Variants in ACAT1 observed in about 807,000 individuals in gnomAD.
The protein encoded by ACAT1 is acetyl-CoA acetyltransferase, mitochondrial.
Under a neutral mutation model 47.3 loss-of-function variants are expected in ACAT1, and 28 were observed. The observed-to-expected ratio is 0.59, with a 90% confidence interval of 0.44 to 0.81. ACAT1 has a LOEUF of 0.81. ACAT1 is among the 30% of genes least tolerant of loss of function. ACAT1 has a pLI of 0.00. For synonymous variants in ACAT1, 181 were observed against 173.6 expected, an observed-to-expected ratio of 1.04 and a Z score of -0.34; for missense variants, 469 against 524.3, an observed-to-expected ratio of 0.89 and a Z score of 1.03.
intron 1 of ACAT1, among the ~76,000 whole-genome samples, chr11:108,127,007 G>A (rs1342972846): frequency 2.6e-5 from 4 of 151,418 alleles, no homozygotes; most frequent in South Asian, 2.1e-4. Context: ...TGGTAGAGAC[G>A]GGGTTTCAGC....
upstream of ACAT1, among the ~76,000 whole-genome samples, chr11:108,120,459 T>C (rs540106827): frequency 4.5e-4 from 69 of 152,120 alleles, no homozygotes; most frequent in Middle Eastern, 3.4e-3. Context: ...GAGGATCCCC[T>C]GAGACCAGGA....
At chr11:108,135,079 C>T (rs1315502074) in intron 4 of ACAT1, 63 bp from the exon 5 acceptor site, 3 of 1,096,632 alleles carry the variant, frequency 2.7e-6, no homozygotes, top group Non-Finnish European at 4.2e-6. Context: ...GTAACATGCT[C>T]TATTAAGTTC....
chr11:108,146,432 A>C (rs1414003569), intron 11 of ACAT1, 73 bp downstream of exon 11: 12 of 1,541,188 alleles, frequency 7.8e-6, no homozygotes, highest in Non-Finnish European at 9.8e-6. Flanking sequence ...AAACTGCTTC[A>C]TAATTCCCAT....
At chr11:108,132,621 G>C (rs1407771307) in intron 2 of ACAT1, among the ~76,000 whole-genome samples, 1 of 150,914 alleles carries the variant, frequency 6.6e-6, no homozygotes, top group Non-Finnish European at 1.5e-5. Flanking sequence ...TTGGGAGGCC[G>C]AGGCAGGTGG....
At chr11:108,146,007 A>C (rs1160786569) in intron 10 of ACAT1, 195 bp from the exon 11 acceptor site, 2 of 502,116 alleles carry the variant, frequency 4.0e-6, no homozygotes, top group Non-Finnish European at 7.1e-6. Context: ...AGATGGCGCC[A>C]TTGCACTCCA....
In ACAT1 at chr11:108,147,475, TC is replaced by T; in HGVS notation, c.*86del. The T allele has an allele frequency of 6.7e-7, 1 of 1,490,856 alleles. No individual in the cohort carries two copies. The highest frequency in any genetic ancestry group is 9.3e-7 in the Non-Finnish European group (1 of 1,079,844). 92.4% of individuals were successfully genotyped at this position (1,490,856 alleles called of 1,614,324 possible). On this transcript the variant is annotated 3_prime_UTR_variant, in exon 12 of 12. Transcript: ENST00000265838. ...GTGACTACTGTGGGTCAGCTTATAT[TC>T]AGATAAGCTGTTTCATTTTTTATTA...
chr11:108,143,997 G>GA lies in ACAT1; in HGVS notation c.955_956insA (p.Ala319AspfsTer6). 1 of 1,580,140 alleles carries GA rather than the reference G, an allele frequency of 6.3e-7. No individual in the cohort carries two copies. The highest frequency in any genetic ancestry group is 1.1e-5 in the South Asian group (1 of 90,180). On this transcript the variant is annotated frameshift_variant, in exon 10 of 12. Coordinates refer to ENST00000265838, the MANE Select transcript of ACAT1 (RefSeq NM_000019.4). LOFTEE classifies it high-confidence loss of function. ...TTTTTAAACAGCATTTGCTGACGCT[G>GA]CTGTAGAACCTATTGATTTTCCAAT...
intron 1 of ACAT1, among the ~76,000 whole-genome samples, chr11:108,130,090 T>A (rs1415920333): frequency 6.6e-6 from 1 of 152,194 alleles, no homozygotes; most frequent in Non-Finnish European, 1.5e-5. Context: ...TGCTTCTCAG[T>A]GTATTCATGG....
chr11:108,139,472 A>G (rs1022680419), intron 6 of ACAT1, among the ~76,000 whole-genome samples: 1 of 151,660 alleles, frequency 6.6e-6, no homozygotes, highest in African/African-American at 2.4e-5. Flanking sequence ...GGTGTCTGTA[A>G]TCCCAGCTAC....
intron 1 of ACAT1, among the ~76,000 whole-genome samples, chr11:108,125,028 C>T (rs1301981200): frequency 6.6e-6 from 1 of 152,172 alleles, no homozygotes; most frequent in Non-Finnish European, 1.5e-5. Flanking sequence ...TTTTGTTTCT[C>T]TGAGTTATTG....
chr11:108,146,466 C>T, intron 11 of ACAT1, 107 bp downstream of exon 11: 1 of 1,349,486 alleles, frequency 7.4e-7, no homozygotes, highest in African/African-American at 1.4e-5. Flanking sequence ...TCCTTCCTAC[C>T]CATCTTTCAT....
chr11:108,142,312 G>A (rs1237706894), intron 8 of ACAT1, 125 bp from the exon 9 acceptor site: 1 of 756,392 alleles, frequency 1.3e-6, no homozygotes, highest in Non-Finnish European at 2.3e-6. Flanking sequence ...GGCAGGAATT[G>A]TCTCCACCCA....
At chr11:108,136,257 A>C (rs1467883403) in intron 5 of ACAT1, 4 of 423,640 alleles carry the variant, frequency 9.4e-6, no homozygotes, top group Non-Finnish European at 1.7e-5. Context: ...CAGTCATTGG[A>C]AATAGAGTGG....
Position 108,130,428 on chromosome 11 carries a change from C to T in ACAT1, c.73-1479C>T, listed in dbSNP as rs150781133. On this transcript the variant is annotated intron_variant, in intron 1 of 11. Transcript: ENST00000265838. ...TTATTATCATTTTTTGAGACTCGCTCTGTCGCCCAGGCTGGAGTACAGTGG... is the reference window on the plus strand; with the variant it reads ...TTATTATCATTTTTTGAGACTCGCTTTGTCGCCCAGGCTGGAGTACAGTGG... Among the ~76,000 whole-genome samples, 22 of 152,202 alleles carry T rather than the reference C, an allele frequency of 1.4e-4. No individual in the cohort carries two copies. The East Asian group carries it at 4.2e-3, about 29-fold the overall frequency.
intron 2 of ACAT1, among the ~76,000 whole-genome samples, chr11:108,133,109 C>A (rs957277926): frequency 2.0e-5 from 3 of 151,966 alleles, no homozygotes; most frequent in African/African-American, 7.3e-5. Flanking sequence ...CACTTGAACC[C>A]GGGAGGCAGA....
chr11:108,140,397 T>C (rs2077561913), intron 7 of ACAT1, among the ~76,000 whole-genome samples, 182 bp downstream of exon 7: 1 of 152,222 alleles, frequency 6.6e-6, no homozygotes, highest in Non-Finnish European at 1.5e-5. Context: ...TTTCAATCCA[T>C]TTATAAGATC....
Position 108,146,192 on chromosome 11 carries a change from A to C in ACAT1, c.1006-10A>C. ...TATTTGAACATCATCTGTCTTTTAAAAAATTTAAGGTTCTTAAAGATGTGG... is the reference window on the plus strand; with the variant it reads ...TATTTGAACATCATCTGTCTTTTAACAAATTTAAGGTTCTTAAAGATGTGG... On this transcript the variant is annotated splice_polypyrimidine_tract_variant and intron_variant, in intron 10 of 11. Coordinates refer to ENST00000265838, the MANE Select transcript of ACAT1 (RefSeq NM_000019.4). 1 of 1,601,962 alleles carries C rather than the reference A, an allele frequency of 6.2e-7. No individual in the cohort carries two copies. The highest frequency in any genetic ancestry group is 1.1e-5 in the South Asian group (1 of 90,764).
chr11:108,121,699 C>T, intron 1 of ACAT1, 21 bp downstream of exon 1: 1 of 1,546,870 alleles, frequency 6.5e-7, no homozygotes, highest in Non-Finnish European at 8.7e-7. Flanking sequence ...TTCGTCCCCA[C>T]AGCACTCAGA....
At position 108,141,630 on chromosome 11, in the gene ACAT1, A is replaced by C. The variant is rs2134768636; in HGVS notation, c.756A>C (p.Glu252Asp). The C allele has an allele frequency of 2.5e-6, 4 of 1,613,360 alleles. 1 individual carries two copies. The East Asian group carries it at 6.7e-5, about 27-fold the overall frequency. The part of the protein sequence containing the change: ...VKGQPDVVVK[E>D]DEEYKRVDFS... ...GTCAACCAGATGTAGTGGTGAAAGA[A>C]GATGAAGAATATAAACGTGTTGATT... is the stretch of plus-strand genomic sequence containing the variant. The change falls in exon 8 of 12, where the codon GAA becomes GAC. Residue 252 changes from glutamate (E) to aspartate (D), a missense_variant. Transcript: ENST00000265838.
Sources: gnomAD v4.1 joint callset for allele counts (sites outside exome capture counted in the v4.1 genomes callset) on GRCh38, gnomAD v4.1.1 for gene constraint, MANE v1.5 for transcripts, NCBI Gene and HGNC (gene_info 2026-07-23, HGNC 2026-07-21) for gene names.